BANP: variants seen among roughly 807,000 people sequenced by gnomAD.
BANP encodes the protein BTG3 associated nuclear protein, also known as protein BANP.
BANP carries 11 observed loss-of-function variants against 68.1 expected under a neutral mutation model. That is an observed-to-expected ratio of 0.16 (90% confidence interval 0.10 to 0.27). The LOEUF is 0.27. BANP is among the 10% of genes least tolerant of loss of function. BANP has a pLI of 1.00. For missense variants in BANP, 504 were observed against 722.7 expected, an observed-to-expected ratio of 0.70 and a Z score of 3.47; for synonymous variants, 329 against 303.2, an observed-to-expected ratio of 1.09 and a Z score of -0.88.
In BANP at chr16:88,002,530, C is replaced by T. The variant is rs776736668; in HGVS notation, c.363-1765C>T. On this transcript the variant is annotated intron_variant, in intron 4 of 13. Transcript: ENST00000682872. The surrounding 1 kb of genome is among the most constrained non-coding windows in gnomAD (Gnocchi z 4.6). ...AAGGGAACACACACATTGAGATACTCGCTCAAGGAGAGTCATCTTTAGGCA... is the reference window on the plus strand; with the variant it reads ...AAGGGAACACACACATTGAGATACTTGCTCAAGGAGAGTCATCTTTAGGCA... Among the ~76,000 whole-genome samples, 2 of 152,032 alleles carry T rather than the reference C, an allele frequency of 1.3e-5. No individual in the cohort carries two copies. Among genetic ancestry groups the T allele is most frequent in the African/African-American group, 4.8e-5 (2 of 41,364 alleles).
Position 87,975,060 on chromosome 16 carries a change from C to G in BANP, c.-56C>G. 1.3e-6 allele frequency: 2 copies of G among 1,516,498 alleles called. No homozygotes were observed. The highest frequency in any genetic ancestry group is 1.8e-6 in the Non-Finnish European group (2 of 1,093,300). The allele number at this position is 1,516,498 out of a possible 1,614,324, so 93.9% of individuals were successfully genotyped here. ...TTCTGTTTGGTAGGTGACCAAAAGC[C>G]AGCCCCACTGTGAGTTGAACTCTTT... On this transcript the variant is annotated 5_prime_UTR_variant, in exon 2 of 14. Transcript: ENST00000682872.
intron 11 of BANP, among the ~76,000 whole-genome samples, chr16:88,052,232 G>T (rs180826169): frequency 6.6e-6 from 1 of 152,220 alleles, no homozygotes; most frequent in East Asian, 1.9e-4. Context: ...ACATTCCCTG[G>T]CATATCCACG....
chr16:87,997,298 A>G (rs1284153095), intron 4 of BANP, among the ~76,000 whole-genome samples: 1 of 152,258 alleles, frequency 6.6e-6, no homozygotes, highest in Non-Finnish European at 1.5e-5. Context: ...TAAAACAGTT[A>G]AAAAACTCAA....
intron 11 of BANP, among the ~76,000 whole-genome samples, chr16:88,046,695 C>G (rs1484750696): frequency 1.3e-5 from 2 of 151,856 alleles, no homozygotes; most frequent in Non-Finnish European, 2.9e-5. Context: ...ATATAGGCAC[C>G]CGCCACCGCA....
chr16:88,075,597 C>T (rs1166277710), intron 13 of BANP, among the ~76,000 whole-genome samples: 1 of 152,200 alleles, frequency 6.6e-6, no homozygotes, highest in Non-Finnish European at 1.5e-5. Context: ...CTTCTCCTGG[C>T]TCTTCCTTTG....
chr16:87,949,529 T>G (rs1045285713), upstream of BANP: 2 of 152,242 alleles, frequency 1.3e-5, no homozygotes, highest in African/African-American at 4.8e-5. Flanking sequence ...CAAACTCAGC[T>G]TGTGCCTCTC....
intron 8 of BANP, among the ~76,000 whole-genome samples, chr16:88,030,291 G>A (rs1042858492): frequency 1.3e-5 from 2 of 152,122 alleles, no homozygotes; most frequent in Non-Finnish European, 2.9e-5. Flanking sequence ...AACTGACCAG[G>A]ACATTGAAAT....
At chr16:88,076,138 G>T (rs150647207) in intron 13 of BANP, among the ~76,000 whole-genome samples, 1 of 152,334 alleles carries the variant, frequency 6.6e-6, no homozygotes, top group African/African-American at 2.4e-5. Context: ...ATCTTTGAGG[G>T]AAGAATCATA....
intron 11 of BANP, among the ~76,000 whole-genome samples, chr16:88,058,585 C>T (rs1285199657): frequency 6.6e-6 from 1 of 152,158 alleles, no homozygotes; most frequent in Non-Finnish European, 1.5e-5. Context: ...GGGAACGTGG[C>T]CAAGGTTTAA....
At chr16:88,021,376 C>T (rs1187706878) in intron 7 of BANP, among the ~76,000 whole-genome samples, 1 of 152,168 alleles carries the variant, frequency 6.6e-6, no homozygotes, top group South Asian at 2.1e-4. Flanking sequence ...CTTGGAGATG[C>T]CCAGTGAATT....
chr16:87,976,879 G>C (rs914765229), intron 2 of BANP, among the ~76,000 whole-genome samples: 1 of 152,150 alleles, frequency 6.6e-6, no homozygotes, highest in African/African-American at 2.4e-5. Flanking sequence ...TAGTTCAGAA[G>C]GCAAATGACA....
chr16:88,072,108 G>A lies in BANP; in HGVS notation c.1417G>A (p.Asp473Asn), dbSNP rs757079708. 2 of 1,603,818 alleles carry A rather than the reference G, an allele frequency of 1.2e-6. No homozygotes were observed. Among genetic ancestry groups the A allele is most frequent in the Non-Finnish European group, 1.7e-6 (2 of 1,176,552 alleles). ...GAQLIAVASS[D>N]PAAAGVDGSP... ...ACAGCTGATCGCCGTGGCCTCCTCG[G>A]ACCCCGCGGCGGCGGGCGTGGATGG... The change falls in exon 13 of 14, where the codon GAC becomes AAC. Residue 473 changes from aspartate to asparagine, a missense_variant. Physicochemically the swap from Asp to Asn is conservative, Grantham distance 23. Transcript: ENST00000682872.
Position 88,035,482 on chromosome 16 carries a change from C to G in BANP, c.1272+88C>G, listed in dbSNP as rs1432288267. On this transcript the variant is annotated intron_variant, in intron 10 of 13. Transcript: ENST00000682872. ...CATCGGTGTCACAGTGCGAGGGCAGCAGGGAGCCCCCAGGACAGGGAACGT... is the reference window on the plus strand; with the variant it reads ...CATCGGTGTCACAGTGCGAGGGCAGGAGGGAGCCCCCAGGACAGGGAACGT... The G allele has an allele frequency of 3.9e-6, 5 of 1,281,312 alleles. 1 individual carries two copies. Among genetic ancestry groups the G allele is most frequent in the East Asian group, 2.6e-5 (1 of 39,022 alleles). 79.4% of individuals were successfully genotyped at this position (1,281,312 alleles called of 1,614,324 possible).
rs572298622 is a variant in BANP, at chr16:88,022,942, C to T, written c.895+4275C>T. 2.0e-5 allele frequency among the ~76,000 whole-genome samples: 3 copies of T among 152,316 alleles called. No homozygotes were observed. In the South Asian group the frequency reaches 6.2e-4, roughly 32 times the overall value. ...CAGAGACCCTAGTTCCCAGTCAGGT[C>T]ACATTCTGGGGTCCTGGACCAGGAC... On this transcript the variant is annotated intron_variant, in intron 7 of 13. Transcript: ENST00000682872.
At chr16:88,029,942 C>A (rs1425163085) in intron 8 of BANP, among the ~76,000 whole-genome samples, 1 of 152,330 alleles carries the variant, frequency 6.6e-6, no homozygotes, top group Middle Eastern at 3.4e-3. Flanking sequence ...TGGGGGACTC[C>A]AAGGCAGGCA....
chr16:87,997,390 A>G (rs2067560221), intron 4 of BANP, among the ~76,000 whole-genome samples: 1 of 152,302 alleles, frequency 6.6e-6, no homozygotes, highest in East Asian at 1.9e-4. Flanking sequence ...AGCATGAGAA[A>G]TACTTAGTTT....
intron 1 of BANP, among the ~76,000 whole-genome samples, chr16:87,969,451 T>C (rs2060712942): frequency 6.6e-6 from 1 of 152,142 alleles, no homozygotes; most frequent in Non-Finnish European, 1.5e-5. Flanking sequence ...AAGTGTGTCA[T>C]ATTTTGTGAT....
intron 1 of BANP, among the ~76,000 whole-genome samples, chr16:87,971,460 C>T (rs1206946226): frequency 2.0e-5 from 3 of 152,054 alleles, no homozygotes; most frequent in Non-Finnish European, 2.9e-5. Flanking sequence ...AAATTCTTGG[C>T]TCACATATCT....
intron 8 of BANP, among the ~76,000 whole-genome samples, chr16:88,030,769 C>T (rs909553993): frequency 2.0e-5 from 3 of 152,204 alleles, no homozygotes; most frequent in African/African-American, 7.2e-5. Context: ...AAGGTGCACT[C>T]TGGAGCACAC....
Sources: gnomAD v4.1 joint callset for allele counts (sites outside exome capture counted in the v4.1 genomes callset) on GRCh38, gnomAD v4.1.1 for gene constraint, Gnocchi (gnomAD v3.1) non-coding constraint, MANE v1.5 for transcripts, NCBI Gene and HGNC (gene_info 2026-07-23, HGNC 2026-07-21) for gene names.